ZFAND3: variants seen among roughly 807,000 people sequenced by gnomAD.
ZFAND3 encodes the protein zinc finger AN1-type containing 3.
A neutral mutation model predicts 29.6 loss-of-function variants in ZFAND3; 10 were observed. The ratio of observed to expected loss-of-function variants is 0.34; its 90% confidence interval spans 0.21 to 0.57. The LOEUF (loss-of-function observed/expected upper bound fraction) is 0.57. Ranked by LOEUF, ZFAND3 falls within the 20% of genes least tolerant of loss-of-function variation. The pLI is 0.86. For missense variants in ZFAND3, 230 were observed against 304.5 expected (o/e 0.76, Z 1.82); for synonymous variants, 128 against 112.6 (o/e 1.14, Z -0.87).
chr6:38,069,757 A>G (rs927153787), intron 3 of ZFAND3, among the ~76,000 whole-genome samples: 5 of 152,246 alleles, frequency 3.3e-5, no homozygotes, highest in African/African-American at 1.2e-4. Flanking sequence ...TTTCTTATAG[A>G]AATTCTTTCT....
intron 2 of ZFAND3, among the ~76,000 whole-genome samples, chr6:38,025,286 C>T (rs1297417078): frequency 6.6e-6 from 1 of 152,148 alleles, no homozygotes; most frequent in Non-Finnish European, 1.5e-5. Context: ...TTTTTTTAGT[C>T]ACATCAATAC....
At chr6:37,968,305 G>A (rs941599817) in intron 2 of ZFAND3, among the ~76,000 whole-genome samples, 7 of 151,796 alleles carry the variant, frequency 4.6e-5, no homozygotes, top group Admixed American at 3.9e-4. Flanking sequence ...CGTTTTTATT[G>A]AAATTATTAA....
intron 1 of ZFAND3, among the ~76,000 whole-genome samples, chr6:37,894,026 G>A (rs931054592): frequency 1.7e-4 from 26 of 152,112 alleles, no homozygotes; most frequent in Non-Finnish European, 3.2e-4. Context: ...AGGCCGAGGT[G>A]AGTGGATCCC....
intron 2 of ZFAND3, among the ~76,000 whole-genome samples, chr6:38,007,955 G>A (rs540375915): frequency 6.6e-6 from 1 of 152,270 alleles, no homozygotes; most frequent in South Asian, 2.1e-4. Context: ...GTCTGATCCA[G>A]GGACTAGCTA....
intron 2 of ZFAND3, among the ~76,000 whole-genome samples, chr6:37,931,454 A>G (rs1370415546): frequency 6.6e-6 from 1 of 151,470 alleles, no homozygotes; most frequent in Non-Finnish European, 1.5e-5. Flanking sequence ...CTGAGGCAGG[A>G]GAATTGCTTG....
chr6:38,064,226 G>C (rs12196555), intron 3 of ZFAND3, among the ~76,000 whole-genome samples: 41,076 of 152,184 alleles, frequency 0.27, 6,724 homozygotes, highest in Admixed American at 0.4. Context: ...GTGCATACCA[G>C]GATCGGGCCA....
intron 4 of ZFAND3, among the ~76,000 whole-genome samples, chr6:38,098,504 C>CT (rs199755000): frequency 0.016 from 2,323 of 143,794 alleles, 38 homozygotes; most frequent in African/African-American, 0.045. Context: ...TATTGCCCAT[C>CT]TTTTTTTTTT....
chr6:38,071,253 G>A (rs1174351656), intron 3 of ZFAND3, among the ~76,000 whole-genome samples: 1 of 151,724 alleles, frequency 6.6e-6, no homozygotes, highest in Non-Finnish European at 1.5e-5. Context: ...TTGGTCTTTT[G>A]TCTTCCAGTT....
chr6:37,873,443 G>A (rs980560229), intron 1 of ZFAND3, among the ~76,000 whole-genome samples: 4 of 152,276 alleles, frequency 2.6e-5, no homozygotes, highest in East Asian at 1.9e-4. Context: ...AGAGCCTGTC[G>A]AATTTTATTG....
rs748506119 is a variant in ZFAND3, at chr6:38,116,616, C to G, written c.406C>G (p.Leu136Val). Residue 136 changes from leucine to valine, a missense_variant, in exon 5 of 6, where the codon CTA becomes GTA. Coordinates refer to ENST00000287218, the MANE Select transcript of ZFAND3 (RefSeq NM_021943.3). ...GGCTTCACCAGTAAAACGGCCACGA[C>G]TACTTGAGAATACGGAACGGTCCGA... ...NEASPVKRPR[L>V]LENTERSEET... The G allele has an allele frequency of 2.5e-6, 4 of 1,613,816 alleles. No individual in the cohort carries two copies. Among genetic ancestry groups the G allele is most frequent in the Non-Finnish European group, 3.4e-6 (4 of 1,179,730 alleles).
At chr6:38,041,640 C>A (rs1763766808) in intron 2 of ZFAND3, among the ~76,000 whole-genome samples, 1 of 14,002 alleles carries the variant, frequency 7.1e-5, no homozygotes, top group Non-Finnish European at 1.3e-4. Flanking sequence ...TTTTCTTCTT[C>A]TTCTTCTTCT....
At chr6:38,056,472 A>C (rs1452800297) in intron 2 of ZFAND3, among the ~76,000 whole-genome samples, 1 of 152,196 alleles carries the variant, frequency 6.6e-6, no homozygotes, top group Non-Finnish European at 1.5e-5. Context: ...CATCTTGCCA[A>C]ATCAGCATTG....
In ZFAND3 at chr6:38,154,293, G is replaced by T; in HGVS notation, c.*1904G>T. 1.0e-6 allele frequency: 1 copy of T among 985,378 alleles called. No homozygotes were observed. The highest frequency in any genetic ancestry group is 1.2e-6 in the Non-Finnish European group (1 of 829,906). 61.0% of individuals were successfully genotyped at this position (985,378 alleles called of 1,614,324 possible). ...CCCCCCGCCCCCTCCTCTGCCTGCTGCGTGGAGGCAGCCATGGGAAGGAGC... is the reference window on the plus strand; with the variant it reads ...CCCCCCGCCCCCTCCTCTGCCTGCTTCGTGGAGGCAGCCATGGGAAGGAGC... On this transcript the variant is annotated 3_prime_UTR_variant, in exon 6 of 6. Transcript: ENST00000287218.
chr6:38,098,293 C>G (rs558300132), intron 4 of ZFAND3, among the ~76,000 whole-genome samples: 7 of 152,200 alleles, frequency 4.6e-5, no homozygotes, highest in African/African-American at 1.7e-4. Flanking sequence ...ACTACAGGTG[C>G]ATGCCACCGT....
At chr6:38,037,588 C>T (rs1270528984) in intron 2 of ZFAND3, among the ~76,000 whole-genome samples, 1 of 152,204 alleles carries the variant, frequency 6.6e-6, no homozygotes, top group Non-Finnish European at 1.5e-5. Context: ...AAAAGGTATA[C>T]ATGCTTTAAT....
chr6:37,918,050 A>G (rs944116117), intron 1 of ZFAND3, among the ~76,000 whole-genome samples: 1 of 151,998 alleles, frequency 6.6e-6, no homozygotes, highest in Non-Finnish European at 1.5e-5. Context: ...GAAATGTTGC[A>G]TCGTGTAGAA....
At chr6:37,923,011 T>C (rs917183926) in intron 1 of ZFAND3, among the ~76,000 whole-genome samples, 1 of 152,228 alleles carries the variant, frequency 6.6e-6, no homozygotes, top group Non-Finnish European at 1.5e-5. Context: ...TTATAAACTT[T>C]AAAAAAATTT....
intron 1 of ZFAND3, among the ~76,000 whole-genome samples, chr6:37,887,309 T>C (rs1392529620): frequency 6.6e-6 from 1 of 152,332 alleles, no homozygotes; most frequent in South Asian, 2.1e-4. Context: ...TCTTGGCATA[T>C]GTAAGAATTT....
intron 2 of ZFAND3, among the ~76,000 whole-genome samples, chr6:37,972,639 G>A (rs1039365657): frequency 5.3e-5 from 8 of 151,728 alleles, no homozygotes; most frequent in Admixed American, 2.0e-4. Flanking sequence ...ATTGATAGTT[G>A]GACCAGGTGC....
Sources: allele counts gnomAD v4.1 joint callset (sites outside exome capture counted in the v4.1 genomes callset), GRCh38; gene constraint gnomAD v4.1.1; transcripts MANE v1.5; gene names NCBI Gene and HGNC (gene_info 2026-07-23, HGNC 2026-07-21).